SUGCT: variants seen among roughly 807,000 people sequenced by gnomAD.
The protein encoded by SUGCT is succinyl-CoA:glutarate-CoA transferase.
SUGCT carries 41 observed loss-of-function variants against 55.0 expected under a neutral mutation model. The observed-to-expected ratio is 0.74, with a 90% confidence interval of 0.58 to 0.97. SUGCT has a LOEUF of 0.97. SUGCT is among the 50% of genes least tolerant of loss of function. The pLI is 0.00. For synonymous variants in SUGCT, 187 were observed against 200.4 expected (o/e 0.93, Z 0.56); for missense variants, 568 against 547.8 (o/e 1.04, Z -0.37).
At chr7:40,763,245 A>T (rs1788625342) in intron 13 of SUGCT, among the ~76,000 whole-genome samples, 2 of 152,136 alleles carry the variant, frequency 1.3e-5, no homozygotes, top group South Asian at 4.2e-4. Flanking sequence ...CTGAATATGA[A>T]TTAGGTGCTT....
intron 7 of SUGCT, among the ~76,000 whole-genome samples, chr7:40,242,169 T>C (rs1237522396): frequency 6.6e-6 from 1 of 151,828 alleles, no homozygotes; most frequent in Non-Finnish European, 1.5e-5. Context: ...ACTCTTTTTT[T>C]TTCTTTTCTT....
intron 12 of SUGCT, among the ~76,000 whole-genome samples, chr7:40,627,979 C>T (rs1481776634): frequency 5.3e-5 from 8 of 152,126 alleles, no homozygotes; most frequent in Admixed American, 5.2e-4. Context: ...TTTTGGACTT[C>T]GGGTTTCATG....
intron 5 of SUGCT, among the ~76,000 whole-genome samples, chr7:40,193,792 G>C (rs1032906017): frequency 6.6e-6 from 1 of 150,962 alleles, no homozygotes; most frequent in Admixed American, 6.6e-5. Flanking sequence ...GTAGAGACAG[G>C]GTTTTACCAT....
intron 12 of SUGCT, among the ~76,000 whole-genome samples, chr7:40,624,981 C>T (rs1053517483): frequency 1.3e-5 from 2 of 152,124 alleles, no homozygotes; most frequent in African/African-American, 2.4e-5. Flanking sequence ...CTTTCCCCCC[C>T]AGTTGAAAAT....
At chr7:40,170,532 TGCCTCTA>T in intron 1 of SUGCT, among the ~76,000 whole-genome samples, 1 of 152,326 alleles carries the variant, frequency 6.6e-6, no homozygotes, top group Non-Finnish European at 1.5e-5. Context: ...GGGATGCCAG[TGCCTCTA>T]GTCATTTTCC....
At chr7:40,947,847 G>A in the SUGCT span, among the ~76,000 whole-genome samples, 12 of 152,290 alleles carry the variant, frequency 7.9e-5, no homozygotes, top group African/African-American at 2.9e-4. Context: ...GCTCAAGCAG[G>A]CAGTTCACAA....
intron 1 of SUGCT, among the ~76,000 whole-genome samples, chr7:40,140,279 C>T (rs917768572): frequency 6.6e-6 from 1 of 152,188 alleles, no homozygotes; most frequent in African/African-American, 2.4e-5. Flanking sequence ...ATTTTCCCAG[C>T]ACCTTTTACT....
At chr7:40,484,830 T>G (rs1409988480) in intron 11 of SUGCT, among the ~76,000 whole-genome samples, 1 of 152,196 alleles carries the variant, frequency 6.6e-6, no homozygotes, top group East Asian at 1.9e-4. Context: ...TTACAGAGCT[T>G]TGTGTGGTCT....
chr7:40,501,945 TG>T lies in SUGCT; in HGVS notation c.1089+5560del, dbSNP rs1792303696. On this transcript the variant is annotated intron_variant, in intron 12 of 13. Coordinates refer to ENST00000335693, the MANE Select transcript of SUGCT (RefSeq NM_001193313.2). ...AAATTTAAAATGTCTTAAGCATATT[TG>T]CCCCAGAACTCTTTATCCTTTCAAA... Among the ~76,000 whole-genome samples the T allele has an allele frequency of 2.0e-5, 3 of 152,086 alleles. No individual in the cohort carries two copies. In the South Asian group the frequency reaches 6.2e-4, roughly 31 times the overall value.
intron 12 of SUGCT, among the ~76,000 whole-genome samples, chr7:40,749,199 A>G (rs557689344): frequency 1.3e-5 from 2 of 152,304 alleles, no homozygotes; most frequent in South Asian, 4.1e-4. Context: ...GGAAGGTCTT[A>G]TTGAAATGTT....
At chr7:40,443,863 A>G (rs1001450843) in intron 9 of SUGCT, among the ~76,000 whole-genome samples, 13 of 152,118 alleles carry the variant, frequency 8.5e-5, no homozygotes, top group African/African-American at 3.1e-4. Flanking sequence ...TAGGTCTAAC[A>G]TTTAAGTCTT....
intron 12 of SUGCT, among the ~76,000 whole-genome samples, chr7:40,643,804 C>T (rs541129706): frequency 6.6e-6 from 1 of 152,156 alleles, no homozygotes; most frequent in Admixed American, 6.5e-5. Flanking sequence ...AAGCTTTCAC[C>T]CTTCCTGCCA....
intron 13 of SUGCT, among the ~76,000 whole-genome samples, chr7:40,789,806 T>A (rs1213310796): frequency 6.6e-6 from 1 of 152,122 alleles, no homozygotes; most frequent in Non-Finnish European, 1.5e-5. Context: ...CTGCATTAGG[T>A]TTTGTACTCA....
intron 12 of SUGCT, chr7:40,537,981 A>G (rs1046538695): frequency 6.6e-6 from 1 of 152,180 alleles, no homozygotes; most frequent in African/African-American, 2.4e-5. Context: ...TTTTGGTTAG[A>G]ATAATGAACA....
rs1787648930 is a variant in SUGCT at position 40,744,840 on chromosome 7, A to C, written c.1090-4594A>C. Among the ~76,000 whole-genome samples, 6 of 152,204 alleles carry C rather than the reference A, an allele frequency of 3.9e-5. No individual in the cohort carries two copies. In the South Asian group the frequency reaches 8.3e-4, roughly 21 times the overall value. On this transcript the variant is annotated intron_variant, in intron 12 of 13. Transcript: ENST00000335693. Reference sequence around the variant, plus strand: ...TTATCTTTGTTCTCTGGTCTTTACTAACCTCCCTGACCTAAGTCATATTAT... The same window carrying C: ...TTATCTTTGTTCTCTGGTCTTTACTCACCTCCCTGACCTAAGTCATATTAT...
At chr7:40,151,068 C>G (rs961474458) in intron 1 of SUGCT, among the ~76,000 whole-genome samples, 1 of 152,054 alleles carries the variant, frequency 6.6e-6, no homozygotes, top group Non-Finnish European at 1.5e-5. Flanking sequence ...AACCCTGTCT[C>G]TACTAAAATA....
chr7:40,584,562 A>G (rs1797275723), intron 12 of SUGCT, among the ~76,000 whole-genome samples: 1 of 152,182 alleles, frequency 6.6e-6, no homozygotes, highest in Non-Finnish European at 1.5e-5. Context: ...CAGATTGCAA[A>G]GTGTTTTCCC....
chr7:40,596,171 CTG>C (rs1223630203), intron 12 of SUGCT, among the ~76,000 whole-genome samples: 4 of 152,152 alleles, frequency 2.6e-5, no homozygotes, highest in East Asian at 1.9e-4. Context: ...ATAAAACAAA[CTG>C]TTCAATTTAG....
chr7:41,030,569 G>A, the SUGCT span, among the ~76,000 whole-genome samples: 2 of 152,122 alleles, frequency 1.3e-5, no homozygotes, highest in South Asian at 2.1e-4. Context: ...TTTTCCTGCT[G>A]AGAAATTTTA....
Sources: allele counts gnomAD v4.1 joint callset (sites outside exome capture counted in the v4.1 genomes callset), GRCh38; gene constraint gnomAD v4.1.1; transcripts MANE v1.5; gene names NCBI Gene and HGNC (gene_info 2026-07-23, HGNC 2026-07-21).